RAD54L: variants seen among roughly 807,000 people sequenced by gnomAD.
The protein encoded by RAD54L is RAD54 like.
RAD54L carries 74 observed loss-of-function variants against 91.6 expected under a neutral mutation model. That is an observed-to-expected ratio of 0.81 (90% CI 0.67 to 0.98). The LOEUF (loss-of-function observed/expected upper bound fraction) is 0.98. Ranked by LOEUF, RAD54L falls within the 50% of genes least tolerant of loss-of-function variation. The pLI, the probability that RAD54L is intolerant of heterozygous loss-of-function variation, is 0.00. For missense variants in RAD54L, 887 were observed against 945.7 expected (o/e 0.94, Z 0.81); for synonymous variants, 304 against 349.7 (o/e 0.87, Z 1.46).
chr1:46,274,410 G>A lies in RAD54L; in HGVS notation c.1690-128G>A. Reference sequence around the variant, plus strand: ...GTTGGGATTGGCTGGCTGGTGAGCAGATAAACTGGTGGTTTTCACAATTGG... The same window carrying A: ...GTTGGGATTGGCTGGCTGGTGAGCAAATAAACTGGTGGTTTTCACAATTGG... On this transcript the variant is annotated intron_variant, in intron 15 of 17. Transcript: ENST00000371975. 4.5e-6 allele frequency: 6 copies of A among 1,326,550 alleles called. No homozygotes were observed. The East Asian group carries it at 1.1e-4, about 25-fold the overall frequency. The allele number at this position is 1,326,550 out of a possible 1,614,324, so 82.2% of individuals were successfully genotyped here.
chr1:46,256,889 A>C (rs1659956127), intron 3 of RAD54L, among the ~76,000 whole-genome samples: 1 of 152,116 alleles, frequency 6.6e-6, no homozygotes. Context: ...CATGCCTATA[A>C]TCCCAGCACT....
intron 3 of RAD54L, among the ~76,000 whole-genome samples, chr1:46,254,496 T>C (rs1355664479): frequency 6.6e-6 from 1 of 151,772 alleles, no homozygotes; most frequent in African/African-American, 2.4e-5. Context: ...CTCATTAGCA[T>C]AGATAAATTT....
At position 46,260,058 on chromosome 1, in the gene RAD54L, G is replaced by A. The variant is rs375804221; in HGVS notation, c.366G>A (p.Glu122=). 7.8e-4 allele frequency: 1,253 copies of A among 1,614,212 alleles called. 15 individuals carry two copies. The South Asian group carries it at 0.012, about 15-fold the overall frequency. ...AAAAAGATGCCTTGGTTCTGTATGAGCCTCCCCCGCTGAGCGCTCATGACC... is the reference window on the plus strand; with the variant it reads ...AAAAAGATGCCTTGGTTCTGTATGAACCTCCCCCGCTGAGCGCTCATGACC... ...PLEKDALVLY[E]PPPLSAHDQL... Residue 122 remains glutamate (E), a synonymous_variant, in exon 5 of 18, where the codon GAG becomes GAA. Coordinates refer to ENST00000371975, the MANE Select transcript of RAD54L (RefSeq NM_003579.4).
At chr1:46,274,848 G>A in intron 16 of RAD54L, 131 bp downstream of exon 16, 2 of 1,072,958 alleles carry the variant, frequency 1.9e-6, no homozygotes. Flanking sequence ...CCAGAAGTGA[G>A]TCTTTTATTC....
chr1:46,248,698 C>A (rs1423336559), intron 2 of RAD54L, 100 bp downstream of exon 2: 12 of 1,009,010 alleles, frequency 1.2e-5, no homozygotes, highest in Non-Finnish European at 1.7e-5. Flanking sequence ...CCAGATGCCT[C>A]TTTTGTATGT....
At chr1:46,250,178 G>A in intron 3 of RAD54L, 59 bp downstream of exon 3, 5 of 1,607,234 alleles carry the variant, frequency 3.1e-6, no homozygotes, top group Non-Finnish European at 4.3e-6. Context: ...AGCCTAGGTA[G>A]ACTCCTGTCC....
rs1279733129 is a variant in RAD54L, at chr1:46,269,683, C to CT, written c.1043-975dup. Among the ~76,000 whole-genome samples the CT allele has an allele frequency of 2.4e-4, 36 of 152,302 alleles. 1 individual carries two copies. The highest frequency in any genetic ancestry group is 2.9e-5 in the Non-Finnish European group (2 of 68,024). On this transcript the variant is annotated intron_variant, in intron 9 of 17. Transcript: ENST00000371975. ...TGCCTGCCATACCCACCAAAAAACT[C>CT]TAACTGGATTTTAATTGGGCTGTAT...
chr1:46,260,006 TC>T lies in RAD54L; in HGVS notation c.316del (p.Arg106AlafsTer21), dbSNP rs747315882. Reference protein sequence around the residue: ...SRALGLKRAGVRRALHDPLEK... With the variant: ...SRALGLKRAGXRRALHDPLEK... ...GCATTGGGCCTGAAAAGGGCTGGGG[TC>T]CGCCGGGCCCTCCATGACCCCCTGG... On this transcript the variant is annotated frameshift_variant, in exon 5 of 18. Transcript: ENST00000371975. LOFTEE classifies it high-confidence loss of function. 1.5e-5 allele frequency: 24 copies of T among 1,613,834 alleles called. No homozygotes were observed. Among genetic ancestry groups the T allele is most frequent in the Non-Finnish European group, 2.0e-5 (24 of 1,179,994 alleles).
At chr1:46,254,583 CTT>C (rs768862202) in intron 3 of RAD54L, among the ~76,000 whole-genome samples, 6 of 130,144 alleles carry the variant, frequency 4.6e-5, no homozygotes, top group East Asian at 2.1e-4. Context: ...GGAGCACTGA[CTT>C]TTTTTTTTTT....
In RAD54L at chr1:46,278,380, AATC is replaced by A; in HGVS notation, c.*103_*105del. 7.4e-7 allele frequency: 1 copy of A among 1,342,476 alleles called. No homozygotes were observed. The highest frequency in any genetic ancestry group is 1.3e-5 in the South Asian group (1 of 79,148). 83.2% of individuals were successfully genotyped at this position (1,342,476 alleles called of 1,614,324 possible). A position where few individuals can be genotyped will look rare whatever the true frequency, so the allele number is the denominator to read the frequency against. ...TGTTGAATTTTGTTCTCTGGGAGAAAATCATCAAGAAGGGCTGCATGATGTTTG... is the reference window on the plus strand; with the variant it reads ...TGTTGAATTTTGTTCTCTGGGAGAAAATCAAGAAGGGCTGCATGATGTTTG... On this transcript the variant is annotated 3_prime_UTR_variant, in exon 18 of 18. Transcript: ENST00000371975.
At chr1:46,256,923 C>T (rs1361284514) in intron 3 of RAD54L, among the ~76,000 whole-genome samples, 3 of 152,034 alleles carry the variant, frequency 2.0e-5, no homozygotes, top group Admixed American at 1.3e-4. Flanking sequence ...GTGGACGGAT[C>T]ACTTGAGGGC....
At chr1:46,270,404 T>C (rs1660388923) in intron 9 of RAD54L, among the ~76,000 whole-genome samples, 1 of 152,162 alleles carries the variant, frequency 6.6e-6, no homozygotes, top group Admixed American at 6.5e-5. Context: ...GTCTTTTTAG[T>C]GGACTATTCA....
chr1:46,270,668 A>C lies in RAD54L; in HGVS notation c.1052A>C (p.His351Pro), dbSNP rs749669280. ...TCTCTCCTGTGTTTAGGGACTGCCC[A>C]TGAATTCAAGAAGCATTTTGAATTG... ...FVNSGILGTA[H>P]EFKKHFELPI... is the part of the protein sequence containing the mutation. Residue 351 changes from histidine to proline, a missense_variant, in exon 10 of 18, where the codon CAT becomes CCT. Coordinates refer to ENST00000371975, the MANE Select transcript of RAD54L (RefSeq NM_003579.4). 6.2e-7 allele frequency: 1 copy of C among 1,612,550 alleles called. No individual in the cohort carries two copies. Among genetic ancestry groups the C allele is most frequent in the East Asian group, 2.3e-5 (1 of 44,136 alleles).
At chr1:46,277,762 T>C in intron 16 of RAD54L, 55 bp from the exon 17 acceptor site, 1 of 1,540,618 alleles carries the variant, frequency 6.5e-7, no homozygotes. Flanking sequence ...GCTCCCTTTT[T>C]ATGAGGATGG....
At chr1:46,250,568 G>A (rs536170626) in intron 3 of RAD54L, among the ~76,000 whole-genome samples, 2 of 152,330 alleles carry the variant, frequency 1.3e-5, no homozygotes, top group East Asian at 1.9e-4. Context: ...AGTGGGTGGA[G>A]CAGATCTGTC....
chr1:46,276,763 C>T (rs927532302), intron 16 of RAD54L, among the ~76,000 whole-genome samples: 2 of 152,162 alleles, frequency 1.3e-5, no homozygotes, highest in East Asian at 1.9e-4. Context: ...TTCGTCTCTT[C>T]GAAGACAAGA....
Position 46,248,160 on chromosome 1 carries a change from G to A in RAD54L, c.-246G>A, listed in dbSNP as rs950603450. ...CCCAATCCCACACTAATCTCTGCTT[G>A]GTCTCTTCCTCTTTGGCCTAATCTC... On this transcript the variant is annotated 5_prime_UTR_variant, in exon 1 of 18. Coordinates refer to ENST00000371975, the MANE Select transcript of RAD54L (RefSeq NM_003579.4). The A allele has an allele frequency of 1.1e-5, 7 of 617,294 alleles. No homozygotes were observed. In the East Asian group the frequency reaches 2.0e-4, roughly 18 times the overall value. 38.2% of individuals were successfully genotyped at this position (617,294 alleles called of 1,614,324 possible).
chr1:46,251,853 T>C (rs561100533), intron 3 of RAD54L, among the ~76,000 whole-genome samples: 3 of 152,078 alleles, frequency 2.0e-5, no homozygotes, highest in Non-Finnish European at 4.4e-5. Context: ...GAGGTTGCAG[T>C]GAGCTGAGAT....
At chr1:46,268,519 T>C (rs1660329204) in intron 9 of RAD54L, among the ~76,000 whole-genome samples, 1 of 152,208 alleles carries the variant, frequency 6.6e-6, no homozygotes, top group African/African-American at 2.4e-5. Context: ...TAACACTCTC[T>C]CAGCAGCCCC....
Sources: allele counts gnomAD v4.1 joint callset (sites outside exome capture counted in the v4.1 genomes callset), GRCh38; gene constraint gnomAD v4.1.1; transcripts MANE v1.5; gene names NCBI Gene and HGNC (gene_info 2026-07-23, HGNC 2026-07-21).